The following LMX1B variants were observed in gnomAD, a reference collection of about 807,000 sequenced individuals.
LMX1B encodes LIM homeobox transcription factor 1 beta, also known as LIM homeobox transcription factor 1-beta.
A neutral mutation model predicts 51.4 loss-of-function variants in LMX1B; 12 were observed. That is an observed-to-expected ratio of 0.23 (90% CI 0.15 to 0.38). LMX1B has a LOEUF of 0.38. Ranked by LOEUF, LMX1B falls within the 10% of genes least tolerant of loss-of-function variation. LMX1B has a pLI of 1.00. For synonymous variants in LMX1B, 237 were observed against 235.4 expected, an observed-to-expected ratio of 1.01 and a Z score of -0.06; for missense variants, 445 against 571.1, an observed-to-expected ratio of 0.78 and a Z score of 2.25.
intron 2 of LMX1B, among the ~76,000 whole-genome samples, chr9:126,629,847 C>G (rs1383333300): frequency 6.6e-6 from 1 of 151,800 alleles, no homozygotes; most frequent in African/African-American, 2.4e-5. Context: ...ATGAGACTTC[C>G]TAAAAGCACT....
intron 2 of LMX1B, among the ~76,000 whole-genome samples, chr9:126,667,976 C>T (rs1315730211): frequency 2.6e-5 from 4 of 152,210 alleles, no homozygotes; most frequent in African/African-American, 7.2e-5. Flanking sequence ...CAGCTGAAAG[C>T]AGGTTGATTG....
intron 2 of LMX1B, among the ~76,000 whole-genome samples, chr9:126,683,212 C>A (rs934408626): frequency 6.6e-6 from 1 of 150,912 alleles, no homozygotes; most frequent in Non-Finnish European, 1.5e-5. Context: ...AGAGGCCCCG[C>A]GAGGCCCGCA....
chr9:126,625,565 C>A lies in LMX1B; in HGVS notation c.326+9996C>A, dbSNP rs1421515867. On this transcript the variant is annotated intron_variant, in intron 2 of 7. Coordinates refer to ENST00000373474, the MANE Select transcript of LMX1B (RefSeq NM_001174147.2). The surrounding 1 kb of genome is among the most constrained non-coding windows in gnomAD (Gnocchi z 5.3). The stretch of plus-strand genomic sequence containing the variant: ...TGGATCCCTGGGACTAATGTCGCAG[C>A]GCTCGCACTCCTGCAGGTCTCCAGG... 2.6e-5 allele frequency among the ~76,000 whole-genome samples: 4 copies of A among 152,210 alleles called. No individual in the cohort carries two copies. The highest frequency in any genetic ancestry group is 5.9e-5 in the Non-Finnish European group (4 of 68,028).
At chr9:126,691,091 G>A (rs1167439800) in intron 3 of LMX1B, 23 bp downstream of exon 3, 1 of 1,581,478 alleles carries the variant, frequency 6.3e-7, no homozygotes, top group Non-Finnish European at 8.6e-7. Flanking sequence ...CTGAGCTGGG[G>A]GCAGGCCTCA....
At chr9:126,682,908 AAAAAAAAG>A (rs1836702747) in intron 2 of LMX1B, among the ~76,000 whole-genome samples, 1 of 150,460 alleles carries the variant, frequency 6.6e-6, no homozygotes, top group African/African-American at 2.4e-5. Context: ...AAAAAAAAAA[AAAAAAAAG>A]AAAGAAAGAA....
chr9:126,669,277 A>G (rs1214999490), intron 2 of LMX1B, among the ~76,000 whole-genome samples: 1 of 151,968 alleles, frequency 6.6e-6, no homozygotes, highest in Non-Finnish European at 1.5e-5. Context: ...GCTCCTGTAG[A>G]TATGAGAACT....
At chr9:126,691,749 C>T (rs2030141609) in intron 3 of LMX1B, among the ~76,000 whole-genome samples, 1 of 152,232 alleles carries the variant, frequency 6.6e-6, no homozygotes, top group Non-Finnish European at 1.5e-5. Context: ...TTCTCAGCCC[C>T]CTGGAGCCTT....
chr9:126,659,931 C>T (rs1257943213), intron 2 of LMX1B, among the ~76,000 whole-genome samples: 1 of 151,836 alleles, frequency 6.6e-6, no homozygotes, highest in East Asian at 2.0e-4. Context: ...TTTGTCTACA[C>T]TAGCCTTAGA....
chr9:126,669,345 C>T (rs1276363260), intron 2 of LMX1B, among the ~76,000 whole-genome samples: 1 of 152,170 alleles, frequency 6.6e-6, no homozygotes, highest in East Asian at 1.9e-4. Flanking sequence ...GGAGCCCTGG[C>T]CTCGCCACTA....
At chr9:126,656,383 T>TAGA (rs1836115339) in intron 2 of LMX1B, among the ~76,000 whole-genome samples, 1 of 143,848 alleles carries the variant, frequency 7.0e-6, no homozygotes, top group African/African-American at 2.6e-5. Context: ...GATCTGGTCT[T>TAGA]TAGATAGATA....
intron 2 of LMX1B, among the ~76,000 whole-genome samples, chr9:126,661,535 C>T (rs971765660): frequency 1.1e-4 from 17 of 152,274 alleles, no homozygotes; most frequent in Admixed American, 9.8e-4. Context: ...GGGCCAGCCC[C>T]GGAGGCCATG....
intron 2 of LMX1B, among the ~76,000 whole-genome samples, chr9:126,652,354 G>C (rs1836034964): frequency 6.6e-6 from 1 of 152,170 alleles, no homozygotes; most frequent in African/African-American, 2.4e-5. Context: ...GAGGAGGGAA[G>C]GGCTCCCGTT....
At chr9:126,682,364 C>T (rs150597669) in intron 2 of LMX1B, among the ~76,000 whole-genome samples, 1 of 152,204 alleles carries the variant, frequency 6.6e-6, no homozygotes, top group Non-Finnish European at 1.5e-5. Flanking sequence ...GCTGCAGCCC[C>T]ATCTCTCTTC....
At chr9:126,624,115 C>T (rs1835474147) in intron 2 of LMX1B, among the ~76,000 whole-genome samples, 1 of 152,234 alleles carries the variant, frequency 6.6e-6, no homozygotes, top group Non-Finnish European at 1.5e-5. Context: ...GCCCTTTCAC[C>T]CAGCAGCTGA....
At chr9:126,683,715 C>T (rs1588300966) in intron 2 of LMX1B, among the ~76,000 whole-genome samples, 1 of 152,286 alleles carries the variant, frequency 6.6e-6, no homozygotes, top group Non-Finnish European at 1.5e-5. Context: ...AGGTGTGACA[C>T]AGGAAGGTCA....
chr9:126,623,615 G>A (rs1564146524), intron 2 of LMX1B, among the ~76,000 whole-genome samples: 1 of 152,176 alleles, frequency 6.6e-6, no homozygotes, highest in Non-Finnish European at 1.5e-5. Context: ...AAGCCGGATG[G>A]GTTCTCTAAG....
At chr9:126,614,739 A>G in intron 1 of LMX1B, 151 bp downstream of exon 1, 1 of 865,900 alleles carries the variant, frequency 1.2e-6, no homozygotes, top group South Asian at 2.8e-5. Flanking sequence ...AGTGATCGCC[A>G]GAGGGCCGCA....
At position 126,614,118 on chromosome 9, in the gene LMX1B, A is replaced by ACCG. The variant is rs1168514307; in HGVS notation, c.-320_-318dup. Among the ~76,000 whole-genome samples the ACCG allele has an allele frequency of 8.2e-5, 8 of 97,888 alleles. No homozygotes were observed. The highest frequency in any genetic ancestry group is 2.3e-4 in the African/African-American group (6 of 25,976). 64.2% of individuals were successfully genotyped at this position (97,888 alleles called of 152,430 possible). A position where few individuals can be genotyped will look rare whatever the true frequency, so the allele number is the denominator to read the frequency against. On this transcript the variant is annotated 5_prime_UTR_variant, in exon 1 of 8. Transcript: ENST00000373474. Reference sequence around the variant, plus strand: ...CCCGCCTGCCGCCGCCGCCACCGCCACCGCCGCCGCCGCCTCCTCCCCGCG... The same window carrying ACCG: ...CCCGCCTGCCGCCGCCGCCACCGCCACCGCCGCCGCCGCCGCCTCCTCCCCGCG...
rs1187261768 is a variant in LMX1B, at chr9:126,626,585, G to C, written c.326+11016G>C. On this transcript the variant is annotated intron_variant, in intron 2 of 7. Transcript: ENST00000373474. This position sits in a 1 kb window ranked among gnomAD's most constrained non-coding sequence, Gnocchi z 4.3. The stretch of plus-strand genomic sequence containing the variant: ...TGCAATCCCGGCTCAGTCGGCAACC[G>C]GCCCTTCCTTCCAGGTCAGGGGTGG... Among the ~76,000 whole-genome samples, 2 of 152,156 alleles carry C rather than the reference G, an allele frequency of 1.3e-5. No homozygotes were observed. Among genetic ancestry groups the C allele is most frequent in the African/African-American group, 2.4e-5 (1 of 41,444 alleles).
Sources: gnomAD v4.1 joint callset for allele counts (sites outside exome capture counted in the v4.1 genomes callset) on GRCh38, gnomAD v4.1.1 for gene constraint, Gnocchi (gnomAD v3.1) non-coding constraint, MANE v1.5 for transcripts, NCBI Gene and HGNC (gene_info 2026-07-23, HGNC 2026-07-21) for gene names.